The following SMYD4 variants were observed in gnomAD, a reference collection of about 807,000 sequenced individuals.
SMYD4 encodes protein-lysine N-methyltransferase SMYD4.
SMYD4 carries 68 observed loss-of-function variants against 72.8 expected under a neutral mutation model. The ratio of observed to expected loss-of-function variants is 0.93; its 90% CI spans 0.77 to 1.14. The LOEUF (loss-of-function observed/expected upper bound fraction) is 1.14. Among genes scored for constraint, SMYD4 ranks in the 50% most tolerant of loss-of-function variants. SMYD4 has a pLI of 0.00. For missense variants in SMYD4, 984 were observed against 1,003.7 expected, an observed-to-expected ratio of 0.98 and a Z score of 0.27; for synonymous variants, 407 against 388.6, an observed-to-expected ratio of 1.05 and a Z score of -0.56.
chr17:1,782,918 A>G (rs1166366951), intron 10 of SMYD4, 117 bp downstream of exon 10: 2 of 1,449,812 alleles, frequency 1.4e-6, no homozygotes, highest in Admixed American at 2.3e-5. Flanking sequence ...GATCTCTCCT[A>G]AAGAGGAAAT....
chr17:1,794,824 T>C (rs973782286), intron 5 of SMYD4, among the ~76,000 whole-genome samples: 1 of 152,100 alleles, frequency 6.6e-6, no homozygotes, highest in Admixed American at 6.6e-5. Flanking sequence ...GTGATTCTGT[T>C]TGAAATGGTA....
At chr17:1,803,144 AAAAAC>A (rs559465185) in intron 4 of SMYD4, among the ~76,000 whole-genome samples, 89 of 152,310 alleles carry the variant, frequency 5.8e-4, no homozygotes, top group East Asian at 5.8e-4. Flanking sequence ...ACTGTCTCAA[AAAAAC>A]AAAACAAAAC....
intron 4 of SMYD4, among the ~76,000 whole-genome samples, chr17:1,801,402 C>T (rs895507520): frequency 3.3e-5 from 5 of 151,572 alleles, no homozygotes; most frequent in South Asian, 4.2e-4. Context: ...CCACACCCAG[C>T]TATTTTTTTT....
intron 2 of SMYD4, among the ~76,000 whole-genome samples, chr17:1,812,499 C>A (rs1910378182): frequency 1.3e-5 from 2 of 149,746 alleles, no homozygotes; most frequent in South Asian, 4.2e-4. Context: ...TGCCATGTTG[C>A]CCAGGCTGGT....
chr17:1,805,861 TAGGTAG>T (rs1356144855), intron 3 of SMYD4, among the ~76,000 whole-genome samples: 2 of 150,182 alleles, frequency 1.3e-5, no homozygotes, highest in Non-Finnish European at 1.5e-5. Context: ...TATGTATAAG[TAGGTAG>T]ACAATGAGCA....
At chr17:1,815,824 C>A (rs905134677) in intron 2 of SMYD4, among the ~76,000 whole-genome samples, 1 of 151,776 alleles carries the variant, frequency 6.6e-6, no homozygotes, top group Non-Finnish European at 1.5e-5. Flanking sequence ...CTCAGCCTCC[C>A]GAGTAGCTGG....
chr17:1,788,182 T>TA (rs1043384250), intron 5 of SMYD4, among the ~76,000 whole-genome samples: 251 of 145,590 alleles, frequency 1.7e-3, no homozygotes, highest in African/African-American at 4.5e-3. Flanking sequence ...ATTTGGTCTC[T>TA]AAAAAAAAAA....
chr17:1,781,440 C>A lies in SMYD4; in HGVS notation c.2262-1G>T. The A allele has an allele frequency of 6.2e-7, 1 of 1,613,102 alleles. No homozygotes were observed. Among genetic ancestry groups the A allele is most frequent in the Non-Finnish European group, 8.5e-7 (1 of 1,179,716 alleles). ...GCTCAGGGCTTCGGGTACTGCAAAC[C>A]TGAGCCAAGGGAGGTAAGAGGAGTT... On this transcript the variant is annotated splice_acceptor_variant, in intron 10 of 10. Transcript: ENST00000305513. LOFTEE classifies it high-confidence loss of function.
At chr17:1,828,059 T>G in intron 1 of SMYD4, 53 bp from the exon 2 acceptor site, 2 of 1,561,926 alleles carry the variant, frequency 1.3e-6, no homozygotes, top group Non-Finnish European at 1.7e-6. Context: ...TTTTAGAAAA[T>G]CAAGAGTTCA....
At chr17:1,795,444 TA>T (rs1597375497) in intron 5 of SMYD4, among the ~76,000 whole-genome samples, 1 of 145,048 alleles carries the variant, frequency 6.9e-6, no homozygotes, top group African/African-American at 2.6e-5. Flanking sequence ...TCTATCTATC[TA>T]ATCATCTATC....
At position 1,800,787 on chromosome 17, in the gene SMYD4, T is replaced by C. The variant is rs1284626419; in HGVS notation, c.607A>G (p.Ser203Gly). The C allele has an allele frequency of 6.2e-7, 1 of 1,614,258 alleles. No homozygotes were observed. The highest frequency in any genetic ancestry group is 1.1e-5 in the South Asian group (1 of 91,088). ...GCTGCTGGGAAGCTTTCTGTGAGAC[T>C]GTCCTTTTCTTGCATCTTCATTTTC... ...RLKMKMQEKD[S>G]LTESFPAALA... Residue 203 changes from serine to glycine, a missense_variant, in exon 5 of 11, where the codon AGT becomes GGT. Coordinates refer to ENST00000305513, the MANE Select transcript of SMYD4 (RefSeq NM_052928.3).
rs1911435007 is a variant in SMYD4, at chr17:1,829,797, G to GAC, written c.-85_-84insGT. The GAC allele has an allele frequency of 8.2e-6, 2 of 242,976 alleles. No individual in the cohort carries two copies. The highest frequency in any genetic ancestry group is 1.6e-5 in the Non-Finnish European group (2 of 128,314). The allele number at this position is 242,976 out of a possible 1,614,324, so 15.1% of individuals were successfully genotyped here. ...CAGACGCGCCCGGAACTGCGCCCTG[G>GAC]TCTCCCTCCCAGCGCCCGCGCAGCT... On this transcript the variant is annotated 5_prime_UTR_variant, in exon 1 of 11. Transcript: ENST00000305513.
At chr17:1,799,062 G>T (rs990800055) in intron 5 of SMYD4, among the ~76,000 whole-genome samples, 1 of 151,852 alleles carries the variant, frequency 6.6e-6, no homozygotes, top group Admixed American at 6.6e-5. Flanking sequence ...ACGAGGTCAG[G>T]AGATCGAGAC....
At chr17:1,829,054 A>G (rs1911372840) in intron 1 of SMYD4, among the ~76,000 whole-genome samples, 1 of 152,060 alleles carries the variant, frequency 6.6e-6, no homozygotes, top group Admixed American at 6.6e-5. Flanking sequence ...GAGTGTTATA[A>G]TTAATGTCCA....
Position 1,799,154 on chromosome 17 carries a change from G to A in SMYD4, c.1537+703C>T, listed in dbSNP as rs538418632. ...GGCGCCTGTAGTCCCAGCTACTGGG[G>A]AGGCTGAGGCAGGAGAATGGCGTGA... On this transcript the variant is annotated intron_variant, in intron 5 of 10. Transcript: ENST00000305513. Among the ~76,000 whole-genome samples the A allele has an allele frequency of 2.8e-4, 42 of 151,092 alleles. No homozygotes were observed. In the South Asian group the frequency reaches 7.7e-3, roughly 28 times the overall value.
At chr17:1,819,521 T>C (rs1433125931) in intron 2 of SMYD4, among the ~76,000 whole-genome samples, 1 of 152,194 alleles carries the variant, frequency 6.6e-6, no homozygotes, top group Non-Finnish European at 1.5e-5. Flanking sequence ...CACCTTTCCC[T>C]TGTACTTAAA....
At chr17:1,824,418 G>A (rs1207125564) in intron 2 of SMYD4, among the ~76,000 whole-genome samples, 1 of 152,094 alleles carries the variant, frequency 6.6e-6, no homozygotes, top group Non-Finnish European at 1.5e-5. Context: ...CACAGATCTA[G>A]AGCCTAGAAA....
chr17:1,788,947 G>C (rs759943191), intron 5 of SMYD4, among the ~76,000 whole-genome samples: 2 of 152,160 alleles, frequency 1.3e-5, no homozygotes, highest in Non-Finnish European at 2.9e-5. Flanking sequence ...CTCAATTTAA[G>C]CATGAGGCAA....
chr17:1,818,869 A>G (rs927185980), intron 2 of SMYD4, among the ~76,000 whole-genome samples: 2 of 151,922 alleles, frequency 1.3e-5, no homozygotes, highest in African/African-American at 4.8e-5. Context: ...GCTGGCCTCA[A>G]ACTCCTGGGC....
Sources: allele counts gnomAD v4.1 joint callset (sites outside exome capture counted in the v4.1 genomes callset), GRCh38; gene constraint gnomAD v4.1.1; transcripts MANE v1.5; gene names NCBI Gene and HGNC (gene_info 2026-07-23, HGNC 2026-07-21).